Variants in SUGCT observed in about 807,000 individuals in gnomAD.
SUGCT encodes succinyl-CoA:glutarate-CoA transferase, also known as succinyl-CoA:glutarate CoA-transferase.
SUGCT carries 41 observed loss-of-function variants against 55.0 expected under a neutral mutation model. That is an observed-to-expected ratio of 0.74 (90% CI 0.58 to 0.97). The LOEUF is 0.97. Ranked by LOEUF, SUGCT falls within the 50% of genes least tolerant of loss-of-function variation. SUGCT has a pLI of 0.00. For synonymous variants in SUGCT, 187 were observed against 200.4 expected (o/e 0.93, Z 0.56); for missense variants, 568 against 547.8 (o/e 1.04, Z -0.37).
chr7:40,469,735 A>G (rs1790308890), intron 11 of SUGCT, among the ~76,000 whole-genome samples: 2 of 151,636 alleles, frequency 1.3e-5, no homozygotes, highest in South Asian at 2.1e-4. Flanking sequence ...TTTTTTTCCA[A>G]GAGGGCTATA....
chr7:40,342,519 G>A (rs1052244943), intron 9 of SUGCT, among the ~76,000 whole-genome samples: 1 of 152,026 alleles, frequency 6.6e-6, no homozygotes, highest in Non-Finnish European at 1.5e-5. Context: ...AGAATACTTG[G>A]TATTTCATTT....
intron 6 of SUGCT, among the ~76,000 whole-genome samples, chr7:40,197,738 G>A (rs1311348315): frequency 6.6e-6 from 1 of 152,194 alleles, no homozygotes; most frequent in Non-Finnish European, 1.5e-5. Context: ...AATACATTCT[G>A]TTTCAGAGGG....
intron 9 of SUGCT, among the ~76,000 whole-genome samples, chr7:40,393,182 A>G (rs1262152887): frequency 6.6e-6 from 1 of 152,166 alleles, no homozygotes; most frequent in Admixed American, 6.6e-5. Flanking sequence ...TAGACGGATT[A>G]CTGGGGTATC....
chr7:40,618,248 C>G (rs968047319), intron 12 of SUGCT, among the ~76,000 whole-genome samples: 2 of 152,206 alleles, frequency 1.3e-5, no homozygotes, highest in Non-Finnish European at 2.9e-5. Flanking sequence ...TAGTCTTGCT[C>G]TACCCACCGT....
At chr7:40,442,758 A>T (rs988858725) in intron 9 of SUGCT, among the ~76,000 whole-genome samples, 1 of 152,170 alleles carries the variant, frequency 6.6e-6, no homozygotes, top group African/African-American at 2.4e-5. Flanking sequence ...GTTCCAGGGT[A>T]CATGTTTACA....
chr7:40,507,787 G>A (rs1035335184), intron 12 of SUGCT, among the ~76,000 whole-genome samples: 1 of 152,134 alleles, frequency 6.6e-6, no homozygotes, highest in Admixed American at 6.5e-5. Context: ...GCCCCAAATT[G>A]TGCTTTGATT....
chr7:40,932,900 C>T, the SUGCT span, among the ~76,000 whole-genome samples: 30 of 152,086 alleles, frequency 2.0e-4, no homozygotes, highest in East Asian at 3.9e-4. Context: ...TGCCAGTCTG[C>T]GTCTTTTAAT....
intron 12 of SUGCT, among the ~76,000 whole-genome samples, chr7:40,621,758 C>T (rs1395862796): frequency 1.3e-5 from 2 of 152,200 alleles, no homozygotes; most frequent in South Asian, 4.1e-4. Flanking sequence ...GCTATCTTAT[C>T]TTTAAACCAA....
chr7:40,851,390 G>A (rs1793845749), intron 13 of SUGCT, among the ~76,000 whole-genome samples: 1 of 152,290 alleles, frequency 6.6e-6, no homozygotes, highest in East Asian at 1.9e-4. Context: ...CTCATGTCGG[G>A]TGAGGTATGC....
At chr7:40,441,052 G>A (rs1788488977) in intron 9 of SUGCT, among the ~76,000 whole-genome samples, 1 of 151,920 alleles carries the variant, frequency 6.6e-6, no homozygotes, top group Non-Finnish European at 1.5e-5. Flanking sequence ...ATTAGTGTCT[G>A]CTACTTTATT....
At chr7:40,714,834 CAAT>C (rs1440811673) in intron 12 of SUGCT, among the ~76,000 whole-genome samples, 1 of 152,166 alleles carries the variant, frequency 6.6e-6, no homozygotes, top group African/African-American at 2.4e-5. Context: ...GTGGATGAAA[CAAT>C]AATACTTGCA....
intron 13 of SUGCT, among the ~76,000 whole-genome samples, chr7:40,822,718 C>A (rs1315864302): frequency 6.6e-6 from 1 of 152,132 alleles, no homozygotes; most frequent in African/African-American, 2.4e-5. Flanking sequence ...ACCTTACTCA[C>A]ACGTACACTC....
At chr7:40,795,578 G>A (rs147818037) in intron 13 of SUGCT, among the ~76,000 whole-genome samples, 9 of 152,094 alleles carry the variant, frequency 5.9e-5, no homozygotes, top group African/African-American at 1.9e-4. Flanking sequence ...GTCAAAAATT[G>A]ATGCTTTTGT....
At chr7:40,653,161 C>T (rs1800861025) in intron 12 of SUGCT, among the ~76,000 whole-genome samples, 1 of 152,308 alleles carries the variant, frequency 6.6e-6, no homozygotes, top group Non-Finnish European at 1.5e-5. Context: ...TTTTACTTGA[C>T]CATGGCTGGG....
chr7:40,289,213 A>C (rs138259136), intron 8 of SUGCT, among the ~76,000 whole-genome samples: 1,625 of 152,222 alleles, frequency 0.011, 11 homozygotes, highest in Non-Finnish European at 0.016. Context: ...GGGCCTAATG[A>C]AACTAAAAAA....
At chr7:40,550,498 A>G (rs773596233) in intron 12 of SUGCT, among the ~76,000 whole-genome samples, 21 of 152,160 alleles carry the variant, frequency 1.4e-4, no homozygotes, top group Non-Finnish European at 2.6e-4. Flanking sequence ...TCCATCAAGA[A>G]CTGTTTATGC....
At chr7:40,681,265 G>A (rs1306048874) in intron 12 of SUGCT, among the ~76,000 whole-genome samples, 1 of 152,026 alleles carries the variant, frequency 6.6e-6, no homozygotes, top group African/African-American at 2.4e-5. Context: ...GGAACTTTCA[G>A]CCCCACTTCC....
At position 40,274,556 on chromosome 7, in the gene SUGCT, C is replaced by T. The variant is rs769764892; in HGVS notation, c.620C>T (p.Ala207Val). The T allele has an allele frequency of 4.3e-6, 7 of 1,613,674 alleles. No individual in the cohort carries two copies. The highest frequency in any genetic ancestry group is 3.4e-6 in the Non-Finnish European group (4 of 1,179,730). ...CCAGGAGTAGCTATGACTGATCTTG[C>T]CACTGGCCTGTATGCATATGGAGCT... ...VRPGVAMTDL[A>V]TGLYAYGAIM... Residue 207 changes from alanine (A) to valine (V), a missense_variant, in exon 8 of 14, where the codon GCC becomes GTC. Physicochemically the swap from Ala to Val is moderately conservative, Grantham distance 64. Transcript: ENST00000335693.
intron 12 of SUGCT, among the ~76,000 whole-genome samples, chr7:40,687,878 A>C (rs1784535224): frequency 1.3e-5 from 2 of 152,184 alleles, no homozygotes; most frequent in South Asian, 4.1e-4. Flanking sequence ...CTTGAAGCAG[A>C]GAGGCGGTGG....
Sources: allele counts gnomAD v4.1 joint callset (sites outside exome capture counted in the v4.1 genomes callset), GRCh38; gene constraint gnomAD v4.1.1; transcripts MANE v1.5; gene names NCBI Gene and HGNC (gene_info 2026-07-23, HGNC 2026-07-21).